Variants in SORCS3 observed in about 807,000 individuals in gnomAD.
The protein encoded by SORCS3 is VPS10 domain-containing receptor SorCS3.
SORCS3 carries 57 observed loss-of-function variants against 146.3 expected under a neutral mutation model. The ratio of observed to expected loss-of-function variants is 0.39; its 90% CI spans 0.31 to 0.49. SORCS3 has a LOEUF of 0.49. Among genes scored for constraint, SORCS3 ranks in the 20% least tolerant of loss-of-function variants. The pLI, the probability that SORCS3 is intolerant of heterozygous loss-of-function variation, is 0.92. For missense variants in SORCS3, 1,341 were observed against 1,575.5 expected (o/e 0.85, Z 2.52); for synonymous variants, 653 against 618.5 (o/e 1.06, Z -0.83).
intron 14 of SORCS3, among the ~76,000 whole-genome samples, chr10:105,195,565 G>A (rs12357874): frequency 7.2e-5 from 11 of 152,268 alleles, no homozygotes; most frequent in African/African-American, 2.2e-4. Context: ...CTATGTTTCT[G>A]TCATTTCTTC....
chr10:105,152,721 A>G (rs2119481751), intron 9 of SORCS3, among the ~76,000 whole-genome samples: 1 of 152,358 alleles, frequency 6.6e-6, no homozygotes, highest in Admixed American at 6.5e-5. Context: ...TTCAAGCCAT[A>G]TGTGGCCAGT....
chr10:104,675,243 G>T (rs2015900158), intron 1 of SORCS3, among the ~76,000 whole-genome samples: 16 of 152,020 alleles, frequency 1.1e-4, no homozygotes, highest in Admixed American at 1.0e-3. Context: ...ATGGCCATTT[G>T]GATATATTCT....
chr10:104,641,736 C>G lies in SORCS3; in HGVS notation c.409C>G (p.Pro137Ala). The G allele has an allele frequency of 6.5e-7, 1 of 1,544,988 alleles. No individual in the cohort carries two copies. Among genetic ancestry groups the G allele is most frequent in the South Asian group, 1.2e-5 (1 of 83,788 alleles). The change falls in exon 1 of 27, where the codon CCA (proline) becomes GCA (alanine). Residue 137 changes from proline (P) to alanine (A), a missense_variant. Transcript: ENST00000369701. This position sits in a 1 kb window ranked among gnomAD's most constrained non-coding sequence, Gnocchi z 6.4. ...GARRSRRAQP[P>A]ITQERGDAWA... ...GAGGAGGAGTCGCCGGGCGCAGCCC[C>G]CAATCACCCAGGAACGCGGGGACGC...
rs1209707260 is a variant in SORCS3, at chr10:105,023,565, C to T, written c.955-19490C>T. ...GGTTTTTTTTGTTTTTTGCTTGGGG[C>T]TATCAGCAGTAAGCTGTTTGAGTCG... On this transcript the variant is annotated intron_variant, in intron 4 of 26. Transcript: ENST00000369701. Among the ~76,000 whole-genome samples, 5 of 152,090 alleles carry T rather than the reference C, an allele frequency of 3.3e-5. No homozygotes were observed. The East Asian group carries it at 9.7e-4, about 29-fold the overall frequency.
At chr10:104,858,294 C>T (rs1414548606) in intron 2 of SORCS3, among the ~76,000 whole-genome samples, 1 of 152,140 alleles carries the variant, frequency 6.6e-6, no homozygotes, top group Non-Finnish European at 1.5e-5. Flanking sequence ...TATATCTTTA[C>T]ATAATTGAGA....
At chr10:104,785,042 A>C (rs898609722) in intron 1 of SORCS3, among the ~76,000 whole-genome samples, 1,776 of 148,850 alleles carry the variant, frequency 0.012, 28 homozygotes, top group African/African-American at 0.042. Context: ...GGCGCCCCTC[A>C]CCTCCCGGAT....
intron 1 of SORCS3, among the ~76,000 whole-genome samples, chr10:104,653,682 A>T (rs575096824): frequency 6.6e-6 from 1 of 152,200 alleles, no homozygotes; most frequent in East Asian, 1.9e-4. Flanking sequence ...TTGTGGGTAC[A>T]TAGTAGGCGT....
At position 104,786,423 on chromosome 10, in the gene SORCS3, C is replaced by G. The variant is rs539566315; in HGVS notation, c.628-56369C>G. On this transcript the variant is annotated intron_variant, in intron 1 of 26. Coordinates refer to ENST00000369701, the MANE Select transcript of SORCS3 (RefSeq NM_014978.3). Reference sequence around the variant, plus strand: ...ATTAGCCAGGTGTGGTGGCACGTGCCTGTAATCCCAGCTACTCGGGATGCT... The same window carrying G: ...ATTAGCCAGGTGTGGTGGCACGTGCGTGTAATCCCAGCTACTCGGGATGCT... Among the ~76,000 whole-genome samples the G allele has an allele frequency of 2.2e-3, 337 of 152,002 alleles. 2 individuals carry two copies. Among genetic ancestry groups the G allele is most frequent in the Non-Finnish European group, 3.8e-3 (258 of 67,968 alleles).
chr10:104,709,972 C>CAGTACTCTCTTGGTTCTTACTGCTGCCA (rs1306079526), intron 1 of SORCS3, among the ~76,000 whole-genome samples: 4 of 151,726 alleles, frequency 2.6e-5, no homozygotes, highest in Non-Finnish European at 5.9e-5. Flanking sequence ...CTAGTTTTCC[C>CAGTACTCTCTTGGTTCTTACTGCTGCCA]AGTACTCTCT....
chr10:105,203,644 C>T (rs2056586495), intron 16 of SORCS3, among the ~76,000 whole-genome samples: 1 of 152,156 alleles, frequency 6.6e-6, no homozygotes, highest in South Asian at 2.1e-4. Flanking sequence ...AATTCTAGCA[C>T]TGATAGTCAC....
At chr10:104,828,766 T>G (rs1282722938) in intron 1 of SORCS3, among the ~76,000 whole-genome samples, 1 of 152,128 alleles carries the variant, frequency 6.6e-6, no homozygotes, top group Non-Finnish European at 1.5e-5. Flanking sequence ...GAATGATAAC[T>G]CTTTAAAACT....
chr10:104,736,911 C>G (rs556809923), intron 1 of SORCS3, among the ~76,000 whole-genome samples: 8 of 152,166 alleles, frequency 5.3e-5, no homozygotes, highest in Admixed American at 2.6e-4. Flanking sequence ...AGGTTTATCT[C>G]CTAATGCCAT....
chr10:104,965,668 TA>T lies in SORCS3; in HGVS notation c.796-11665del, dbSNP rs540525936. ...ATTGTGGTTTTGATTTGCATTTCTT[TA>T]ATGATTAGTGATTTTGAACATCTTT... On this transcript the variant is annotated intron_variant, in intron 3 of 26. Transcript: ENST00000369701. 3.0e-3 allele frequency among the ~76,000 whole-genome samples: 461 copies of T among 152,346 alleles called. 2 individuals are homozygous for T. The highest frequency in any genetic ancestry group is 0.018 in the South Asian group (88 of 4,826).
At chr10:105,103,915 G>C (rs1205259203) in intron 6 of SORCS3, among the ~76,000 whole-genome samples, 1 of 152,146 alleles carries the variant, frequency 6.6e-6, no homozygotes. Context: ...CTAGACAGAG[G>C]TTCTTTTAGA....
chr10:104,843,940 A>G (rs970433560), intron 2 of SORCS3, among the ~76,000 whole-genome samples: 1 of 152,078 alleles, frequency 6.6e-6, no homozygotes, highest in African/African-American at 2.4e-5. Flanking sequence ...CATCCCTACT[A>G]AGTCCTGACC....
At chr10:104,790,273 A>G (rs1251804274) in intron 1 of SORCS3, among the ~76,000 whole-genome samples, 1 of 152,260 alleles carries the variant, frequency 6.6e-6, no homozygotes, top group South Asian at 2.1e-4. Context: ...GAAAGGAAGA[A>G]CATTAACAAA....
At chr10:105,089,634 C>G in intron 5 of SORCS3, 141 bp from the exon 6 acceptor site, 1 of 682,324 alleles carries the variant, frequency 1.5e-6, no homozygotes, top group Non-Finnish European at 2.7e-6. Context: ...CCAGTGGCCA[C>G]ATTCTGCTGG....
chr10:105,254,036 A>G (rs887269149), intron 23 of SORCS3, among the ~76,000 whole-genome samples: 16 of 152,390 alleles, frequency 1.0e-4, no homozygotes, highest in African/African-American at 3.8e-4. Context: ...GTTAGGGACA[A>G]CAGCCTAAGT....
At chr10:105,147,292 T>G (rs2056137969) in intron 8 of SORCS3, among the ~76,000 whole-genome samples, 1 of 152,140 alleles carries the variant, frequency 6.6e-6, no homozygotes, top group Non-Finnish European at 1.5e-5. Flanking sequence ...TGTGTGAGCT[T>G]CCTTTAGCAA....
Sources: gnomAD v4.1 joint callset for allele counts (sites outside exome capture counted in the v4.1 genomes callset) on GRCh38, gnomAD v4.1.1 for gene constraint, Gnocchi (gnomAD v3.1) non-coding constraint, MANE v1.5 for transcripts, NCBI Gene and HGNC (gene_info 2026-07-23, HGNC 2026-07-21) for gene names.